Variants in ARHGEF28 observed in about 807,000 individuals in gnomAD.
The protein encoded by ARHGEF28 is 190 kDa guanine nucleotide exchange factor.
ARHGEF28 carries 152 observed loss-of-function variants against 206.6 expected under a neutral mutation model. The observed-to-expected ratio is 0.74, with a 90% CI of 0.64 to 0.84. The LOEUF is 0.84. ARHGEF28 is among the 40% of genes least tolerant of loss of function. The probability of loss-of-function intolerance (pLI) is 0.00; values close to 1 mark genes in which losing one functional copy is unlikely to be tolerated. For synonymous variants in ARHGEF28, 763 were observed against 776.4 expected, an observed-to-expected ratio of 0.98 and a Z score of 0.29; for missense variants, 2,028 against 2,073.2, an observed-to-expected ratio of 0.98 and a Z score of 0.42.
At chr5:73,652,860 G>A (rs1032179256) in intron 1 of ARHGEF28, among the ~76,000 whole-genome samples, 3 of 152,232 alleles carry the variant, frequency 2.0e-5, no homozygotes, top group East Asian at 1.9e-4. Context: ...GTTAGAAAAC[G>A]GGCAGATGGA....
chr5:73,718,508 G>A (rs1056053294), intron 2 of ARHGEF28, among the ~76,000 whole-genome samples: 3 of 152,146 alleles, frequency 2.0e-5, no homozygotes, highest in African/African-American at 7.2e-5. Flanking sequence ...GGATTCCTTG[G>A]CTTCATGCAG....
chr5:73,732,027 T>C (rs1750651633), intron 2 of ARHGEF28, among the ~76,000 whole-genome samples: 1 of 151,850 alleles, frequency 6.6e-6, no homozygotes, highest in South Asian at 2.1e-4. Flanking sequence ...TTTTTTTTTT[T>C]TTTTTTTAAC....
intron 29 of ARHGEF28, among the ~76,000 whole-genome samples, chr5:73,895,321 A>C (rs1343930123): frequency 6.6e-6 from 1 of 152,096 alleles, no homozygotes; most frequent in African/African-American, 2.4e-5. Flanking sequence ...AGGGTGGTGG[A>C]AGGACTAAGT....
At chr5:73,868,335 A>G in intron 20 of ARHGEF28, 108 bp downstream of exon 20, 2 of 1,362,780 alleles carry the variant, frequency 1.5e-6, no homozygotes, top group Non-Finnish European at 1.9e-6. Context: ...TTTTTCAAAG[A>G]AGTCTGTTTC....
chr5:73,925,226 T>A (rs1763732616), intron 35 of ARHGEF28, among the ~76,000 whole-genome samples: 1 of 152,180 alleles, frequency 6.6e-6, no homozygotes, highest in East Asian at 1.9e-4. Flanking sequence ...GGCGATACGC[T>A]TGCATCTCGA....
chr5:73,922,317 A>G (rs1398781711), intron 35 of ARHGEF28, among the ~76,000 whole-genome samples: 1 of 152,256 alleles, frequency 6.6e-6, no homozygotes, highest in East Asian at 1.9e-4. Flanking sequence ...GCAAGAGGCC[A>G]TATTTTGGGG....
intron 2 of ARHGEF28, among the ~76,000 whole-genome samples, chr5:73,743,691 C>G (rs1751563802): frequency 6.6e-6 from 1 of 152,084 alleles, no homozygotes; most frequent in Non-Finnish European, 1.5e-5. Context: ...TTTTTTGATT[C>G]ACATGTTCTT....
chr5:73,837,238 G>C (rs1055546830), intron 10 of ARHGEF28, among the ~76,000 whole-genome samples: 2 of 148,336 alleles, frequency 1.3e-5, no homozygotes, highest in African/African-American at 5.2e-5. Flanking sequence ...AATAGAATCT[G>C]TAGTTCACTT....
intron 12 of ARHGEF28, among the ~76,000 whole-genome samples, chr5:73,847,035 T>C (rs564159538): frequency 3.3e-5 from 5 of 152,294 alleles, no homozygotes; most frequent in Non-Finnish European, 5.9e-5. Context: ...TTTTTTGTTA[T>C]TTATTTACTT....
At chr5:73,663,005 G>T (rs1745704247) in intron 1 of ARHGEF28, among the ~76,000 whole-genome samples, 1 of 152,118 alleles carries the variant, frequency 6.6e-6, no homozygotes, top group Non-Finnish European at 1.5e-5. Flanking sequence ...GCCCAGGCTG[G>T]AGTGCAATGG....
chr5:73,644,633 G>T (rs1357080944), intron 1 of ARHGEF28, among the ~76,000 whole-genome samples: 1 of 152,126 alleles, frequency 6.6e-6, no homozygotes, highest in African/African-American at 2.4e-5. Context: ...AACATACACT[G>T]CTGCCTGATT....
intron 4 of ARHGEF28, among the ~76,000 whole-genome samples, chr5:73,755,079 ATAG>A (rs755921710): frequency 8.0e-4 from 121 of 151,710 alleles, no homozygotes; most frequent in Non-Finnish European, 1.5e-3. Context: ...GGGAATTGCA[ATAG>A]TAATACTTGA....
chr5:73,856,307 G>A lies in ARHGEF28; in HGVS notation c.1791-1349G>A, dbSNP rs559873465. Among the ~76,000 whole-genome samples, 6 of 152,256 alleles carry A rather than the reference G, an allele frequency of 3.9e-5. No individual in the cohort carries two copies. In the South Asian group the frequency reaches 1.2e-3, roughly 32 times the overall value. On this transcript the variant is annotated intron_variant, in intron 14 of 35. Coordinates refer to ENST00000513042, the MANE Select transcript of ARHGEF28 (RefSeq NM_001177693.2). The stretch of plus-strand genomic sequence containing the variant: ...TCTTTCACTACTCTGTTGGCATAGG[G>A]TATGTTTAATTCTATTCACTTCCTT...
intron 16 of ARHGEF28, among the ~76,000 whole-genome samples, chr5:73,860,481 G>A (rs1197703414): frequency 6.6e-6 from 1 of 152,078 alleles, no homozygotes; most frequent in Non-Finnish European, 1.5e-5. Flanking sequence ...CAAAGTCCAC[G>A]CCCAGCAGGA....
At chr5:73,746,070 G>A (rs1479871771) in intron 2 of ARHGEF28, among the ~76,000 whole-genome samples, 1 of 152,084 alleles carries the variant, frequency 6.6e-6, no homozygotes, top group African/African-American at 2.4e-5. Flanking sequence ...AGGTTGGGGT[G>A]AAAATGATAC....
intron 14 of ARHGEF28, among the ~76,000 whole-genome samples, chr5:73,854,034 T>G (rs891028815): frequency 6.6e-6 from 1 of 152,220 alleles, no homozygotes; most frequent in Non-Finnish European, 1.5e-5. Context: ...CTCTTGTTTT[T>G]GTTTTCTGTT....
At chr5:73,849,253 A>G in intron 13 of ARHGEF28, 166 bp downstream of exon 13, 1 of 557,684 alleles carries the variant, frequency 1.8e-6, no homozygotes. Context: ...ATTGGATAAC[A>G]GCCAAATTTG....
At chr5:73,682,385 T>C (rs1177535465) in intron 1 of ARHGEF28, among the ~76,000 whole-genome samples, 2 of 151,876 alleles carry the variant, frequency 1.3e-5, no homozygotes, top group African/African-American at 4.8e-5. Flanking sequence ...GTGTATCCTC[T>C]GGGGATTACT....
At chr5:73,878,554 G>T (rs980824757) in intron 22 of ARHGEF28, among the ~76,000 whole-genome samples, 3 of 151,198 alleles carry the variant, frequency 2.0e-5, no homozygotes, top group African/African-American at 7.3e-5. Flanking sequence ...ATTTTGCAGC[G>T]GCTGGTACCG....
Sources: allele counts gnomAD v4.1 joint callset (sites outside exome capture counted in the v4.1 genomes callset), GRCh38; gene constraint gnomAD v4.1.1; transcripts MANE v1.5; gene names NCBI Gene and HGNC (gene_info 2026-07-23, HGNC 2026-07-21).